Variants in TFPI observed in about 807,000 individuals in gnomAD.
TFPI encodes tissue factor pathway inhibitor.
A neutral mutation model predicts 34.6 loss-of-function variants in TFPI; 15 were observed. The ratio of observed to expected loss-of-function variants is 0.43; its 90% confidence interval spans 0.29 to 0.67. The LOEUF is 0.67. Ranked by LOEUF, TFPI falls within the 30% of genes least tolerant of loss-of-function variation. The pLI, the probability that TFPI is intolerant of heterozygous loss-of-function variation, is 0.15. For synonymous variants in TFPI, 105 were observed against 120.1 expected, an observed-to-expected ratio of 0.87 and a Z score of 0.82; for missense variants, 301 against 364.0, an observed-to-expected ratio of 0.83 and a Z score of 1.41.
intron 3 of TFPI, among the ~76,000 whole-genome samples, chr2:187,491,159 T>TC (rs2106050460): frequency 6.6e-6 from 1 of 152,156 alleles, no homozygotes; most frequent in African/African-American, 2.4e-5. Context: ...GCACTTTTTT[T>TC]CTCTTTCAGT....
intron 1 of TFPI, chr2:187,517,890 T>A (rs2106193884): frequency 6.6e-6 from 1 of 152,368 alleles, no homozygotes. Flanking sequence ...TTTACCATTA[T>A]ATAACGCCTT....
intron 2 of TFPI, chr2:187,499,700 TG>T (rs1685722364): frequency 6.6e-6 from 1 of 151,944 alleles, no homozygotes; most frequent in Non-Finnish European, 1.5e-5. Flanking sequence ...TCCTTAAATA[TG>T]GGACCCCAGA....
At chr2:187,468,258 G>GACACACACAC (rs61019402) in intron 6 of TFPI, among the ~76,000 whole-genome samples, 36 of 147,132 alleles carry the variant, frequency 2.4e-4, no homozygotes, top group African/African-American at 8.5e-4. Flanking sequence ...ATTTCTTACA[G>GACACACACAC]ACACACACAC....
chr2:187,503,802 A>G, intron 1 of TFPI, 32 bp from the exon 2 acceptor site: 1 of 1,606,488 alleles, frequency 6.2e-7, no homozygotes. Flanking sequence ...TATCTAATAA[A>G]TAAAGTGTTA....
chr2:187,551,239 A>G (rs1689085661), intron 1 of TFPI, among the ~76,000 whole-genome samples: 1 of 152,152 alleles, frequency 6.6e-6, no homozygotes, highest in African/African-American at 2.4e-5. Flanking sequence ...ACATGGAACA[A>G]TTGGGATAGT....
In TFPI at chr2:187,464,599, G is replaced by GAA. The variant is rs1391071147; in HGVS notation, c.*2336_*2337insTT. 6.6e-6 allele frequency: 1 copy of GAA among 152,106 alleles called. No homozygotes were observed. Among genetic ancestry groups the GAA allele is most frequent in the African/African-American group, 2.4e-5 (1 of 41,418 alleles). 9.4% of individuals were successfully genotyped at this position (152,106 alleles called of 1,614,324 possible). A position where few individuals can be genotyped will look rare whatever the true frequency, so the allele number is the denominator to read the frequency against. The stretch of plus-strand genomic sequence containing the variant: ...TCAATGCGCTATTTATACAATCTTA[G>GAA]TGACTATTTACCACTTCACCTAAGT... On this transcript the variant is annotated 3_prime_UTR_variant, in exon 8 of 8. Transcript: ENST00000233156.
intron 2 of TFPI, among the ~76,000 whole-genome samples, chr2:187,501,311 A>T (rs1274788344): frequency 1.7e-5 from 1 of 59,830 alleles, no homozygotes; most frequent in Non-Finnish European, 3.2e-5. Context: ...CCCCCGCCCC[A>T]TGTCCTGGGA....
chr2:187,523,363 A>G (rs1175031722), intron 1 of TFPI, among the ~76,000 whole-genome samples: 1 of 152,112 alleles, frequency 6.6e-6, no homozygotes, highest in African/African-American at 2.4e-5. Flanking sequence ...TTGTTAACCC[A>G]TATGTCCATG....
At chr2:187,552,928 A>G (rs13432763) in intron 1 of TFPI, among the ~76,000 whole-genome samples, 11,545 of 152,108 alleles carry the variant, frequency 0.076, 530 homozygotes, top group Middle Eastern at 0.18. Flanking sequence ...ATTTACATTA[A>G]TATTTTTCAA....
At chr2:187,496,734 C>T (rs900776321) in intron 3 of TFPI, 147 bp downstream of exon 3, 1 of 720,310 alleles carries the variant, frequency 1.4e-6, no homozygotes, top group African/African-American at 1.8e-5. Context: ...TTTTAGGATT[C>T]CCTGAAAGTC....
At chr2:187,497,108 G>A in intron 2 of TFPI, 30 bp from the exon 3 acceptor site, 2 of 1,568,640 alleles carry the variant, frequency 1.3e-6, no homozygotes, top group African/African-American at 1.4e-5. Flanking sequence ...GATATAACAT[G>A]TAATCTCCAT....
chr2:187,529,804 T>G (rs1174275118), intron 1 of TFPI, among the ~76,000 whole-genome samples: 1 of 152,210 alleles, frequency 6.6e-6, no homozygotes, highest in Non-Finnish European at 1.5e-5. Flanking sequence ...CACTTTCTAA[T>G]GTGCAATTCA....
chr2:187,475,166 G>A (rs774972118), intron 6 of TFPI, among the ~76,000 whole-genome samples: 8 of 152,052 alleles, frequency 5.3e-5, no homozygotes, highest in Non-Finnish European at 1.0e-4. Context: ...TGGTAGTCCC[G>A]TGTAGGAGAC....
intron 6 of TFPI, among the ~76,000 whole-genome samples, chr2:187,482,154 A>G (rs1217952962): frequency 6.6e-6 from 1 of 152,016 alleles, no homozygotes; most frequent in East Asian, 1.9e-4. Flanking sequence ...CACTTTAATG[A>G]TAAATGACTG....
At chr2:187,514,676 GC>G (rs1686873405) in intron 1 of TFPI, 1 of 152,230 alleles carries the variant, frequency 6.6e-6, no homozygotes, top group African/African-American at 2.4e-5. Context: ...AACTGGAGTG[GC>G]ATTTGTGCTT....
chr2:187,534,830 G>A (rs1035433345), intron 1 of TFPI, among the ~76,000 whole-genome samples: 2 of 151,334 alleles, frequency 1.3e-5, no homozygotes, highest in African/African-American at 4.9e-5. Context: ...CCCATGTCAC[G>A]TGCAAAAACA....
At chr2:187,503,062 C>G (rs1685956218) in intron 2 of TFPI, among the ~76,000 whole-genome samples, 1 of 152,002 alleles carries the variant, frequency 6.6e-6, no homozygotes. Flanking sequence ...ATAACCATCA[C>G]CATACAGTCT....
intron 5 of TFPI, 65 bp downstream of exon 5, chr2:187,484,746 T>G: frequency 4.2e-5 from 61 of 1,439,990 alleles, no homozygotes; most frequent in Non-Finnish European, 5.5e-5. Context: ...GAATGCCATC[T>G]GAGATGCCTT....
intron 6 of TFPI, among the ~76,000 whole-genome samples, chr2:187,480,277 C>G (rs1346602906): frequency 6.6e-6 from 1 of 151,876 alleles, no homozygotes; most frequent in Non-Finnish European, 1.5e-5. Context: ...GAATCTAAGG[C>G]CTGGTGAATT....
Sources: gnomAD v4.1 joint callset for allele counts (sites outside exome capture counted in the v4.1 genomes callset) on GRCh38, gnomAD v4.1.1 for gene constraint, MANE v1.5 for transcripts, NCBI Gene and HGNC (gene_info 2026-07-23, HGNC 2026-07-21) for gene names.